The following INO80D variants were observed in gnomAD, a reference collection of about 807,000 sequenced individuals.
INO80D encodes the protein INO80 complex subunit D.
Under a neutral mutation model 87.6 loss-of-function variants are expected in INO80D, and 21 were observed. That is an observed-to-expected ratio of 0.24 (90% CI 0.17 to 0.35). The LOEUF (loss-of-function observed/expected upper bound fraction) is 0.35, where lower values mean the gene tolerates loss of function less well. INO80D is among the 10% of genes least tolerant of loss of function. The probability of loss-of-function intolerance (pLI) is 1.00; values close to 1 mark genes in which losing one functional copy is unlikely to be tolerated. For missense variants in INO80D, 982 were observed against 1,280.7 expected (o/e 0.77, Z 3.56); for synonymous variants, 440 against 491.0 (o/e 0.90, Z 1.37).
rs1214891643 is a variant in INO80D at position 205,995,377 on chromosome 2, T to G, written c.*8991A>C. The G allele has an allele frequency of 6.6e-6, 1 of 152,176 alleles. No homozygotes were observed. The highest frequency in any genetic ancestry group is 1.5e-5 in the Non-Finnish European group (1 of 68,016). The allele number at this position is 152,176 out of a possible 1,614,324, so 9.4% of individuals were successfully genotyped here. ...ATAAATAAATAGTGTGTGGATGTCT[T>G]TAGATGAGACTTTAAATGTTCTTTA... On this transcript the variant is annotated 3_prime_UTR_variant, in exon 11 of 11. Transcript: ENST00000403263.
intron 10 of INO80D, 92 bp from the exon 11 acceptor site, chr2:206,005,625 G>T (rs908841853): frequency 1.0e-6 from 1 of 990,946 alleles, no homozygotes; most frequent in Non-Finnish European, 1.5e-6. Context: ...AACAATATTC[G>T]ATTTAAAGAG....
chr2:206,078,672 C>T lies in INO80D; in HGVS notation c.-124+7229G>A, dbSNP rs112200641. ...ACAAAAAAAGAAAAAGACAGCCAGG[C>T]GCGGTGGCTCACGCCTGTAATCCCA... On this transcript the variant is annotated intron_variant, in intron 1 of 10. Coordinates refer to ENST00000403263, the MANE Select transcript of INO80D (RefSeq NM_017759.5). Among the ~76,000 whole-genome samples the T allele has an allele frequency of 3.9e-5, 6 of 152,158 alleles. 1 individual carries two copies. The highest frequency in any genetic ancestry group is 1.3e-4 in the Admixed American group (2 of 15,274).
intron 4 of INO80D, among the ~76,000 whole-genome samples, chr2:206,049,466 G>C (rs1689288863): frequency 6.6e-6 from 1 of 152,142 alleles, no homozygotes; most frequent in Non-Finnish European, 1.5e-5. Flanking sequence ...TCTTTTATTT[G>C]TTTCAATAGA....
At chr2:206,069,920 CCTTT>C (rs1689914376) in intron 1 of INO80D, among the ~76,000 whole-genome samples, 1 of 152,262 alleles carries the variant, frequency 6.6e-6, no homozygotes, top group African/African-American at 2.4e-5. Flanking sequence ...AGTCTCCTCT[CCTTT>C]CTTTCCCCGA....
chr2:206,016,975 G>A lies in INO80D; in HGVS notation c.1542+705C>T, dbSNP rs1242019555. Among the ~76,000 whole-genome samples, 6 of 152,132 alleles carry A rather than the reference G, an allele frequency of 3.9e-5. 1 individual carries two copies. The highest frequency in any genetic ancestry group is 3.9e-4 in the Admixed American group (6 of 15,276). On this transcript the variant is annotated intron_variant, in intron 8 of 10. Transcript: ENST00000403263. Reference sequence around the variant, plus strand: ...CAGTCTCAGGTATGTCTTTCCCAGAGGCATGAAAACGGACTAATACACCAG... The same window carrying A: ...CAGTCTCAGGTATGTCTTTCCCAGAAGCATGAAAACGGACTAATACACCAG...
At chr2:206,049,110 C>T (rs555617844) in intron 4 of INO80D, among the ~76,000 whole-genome samples, 1 of 152,220 alleles carries the variant, frequency 6.6e-6, no homozygotes, top group African/African-American at 2.4e-5. Flanking sequence ...TAGACAGTTA[C>T]ATTAAAAAGG....
At chr2:206,031,551 C>T (rs1688767019) in intron 5 of INO80D, among the ~76,000 whole-genome samples, 1 of 152,212 alleles carries the variant, frequency 6.6e-6, no homozygotes, top group Admixed American at 6.5e-5. Context: ...CAGTCCCACT[C>T]TTAGGACAGC....
chr2:206,010,062 TACACACAC>T (rs144790541), intron 8 of INO80D, among the ~76,000 whole-genome samples: 2 of 148,996 alleles, frequency 1.3e-5, no homozygotes, highest in Non-Finnish European at 3.0e-5. Flanking sequence ...TGACACTGTC[TACACACAC>T]ACACACACAC....
chr2:206,029,922 C>A (rs1688715968), intron 5 of INO80D, among the ~76,000 whole-genome samples: 1 of 152,078 alleles, frequency 6.6e-6, no homozygotes, highest in African/African-American at 2.4e-5. Context: ...AATATCTGAC[C>A]ACAAATCAGA....
chr2:206,057,704 A>G (rs1051347615), intron 3 of INO80D, among the ~76,000 whole-genome samples: 28 of 152,160 alleles, frequency 1.8e-4, no homozygotes, highest in Admixed American at 5.9e-4. Flanking sequence ...GTCTTCAACA[A>G]TAAGCAAGTA....
chr2:206,064,425 GCTAC>G (rs1313989904), intron 1 of INO80D, among the ~76,000 whole-genome samples: 3 of 152,174 alleles, frequency 2.0e-5, no homozygotes, highest in South Asian at 2.1e-4. Context: ...TCAGATATCA[GCTAC>G]TGAAAAAGTC....
At position 206,050,440 on chromosome 2, in the gene INO80D, C is replaced by T. The variant is rs1307782697; in HGVS notation, c.965-3828G>A. 4.3e-5 allele frequency among the ~76,000 whole-genome samples: 6 copies of T among 138,828 alleles called. No individual in the cohort carries two copies. In the East Asian group the frequency reaches 1.1e-3, roughly 26 times the overall value. 91.1% of individuals were successfully genotyped at this position (138,828 alleles called of 152,430 possible). A position where few individuals can be genotyped will look rare whatever the true frequency, so the allele number is the denominator to read the frequency against. On this transcript the variant is annotated intron_variant, in intron 4 of 10. Transcript: ENST00000403263. Reference sequence around the variant, plus strand: ...CCGGGAGGCGGAGGTTGCAGTGAGCCGAGACCTCGCCACTGCATTGCAGCC... The same window carrying T: ...CCGGGAGGCGGAGGTTGCAGTGAGCTGAGACCTCGCCACTGCATTGCAGCC...
At chr2:206,056,969 A>G (rs1156729282) in intron 3 of INO80D, 26 bp from the exon 4 acceptor site, 9 of 1,536,052 alleles carry the variant, frequency 5.9e-6, no homozygotes, top group Non-Finnish European at 7.9e-6. Flanking sequence ...ATACATGGGA[A>G]AACAGTCATG....
chr2:206,013,369 T>C lies in INO80D; in HGVS notation c.1543-3575A>G, dbSNP rs528020355. ...GAGATCGAGATCTTCCTGGCTAACA[T>C]GGTGAAACCTCATCTCTACTAAAAA... On this transcript the variant is annotated intron_variant, in intron 8 of 10. Transcript: ENST00000403263. Among the ~76,000 whole-genome samples the C allele has an allele frequency of 1.7e-4, 26 of 152,074 alleles. No homozygotes were observed. The East Asian group carries it at 2.5e-3, about 15-fold the overall frequency.
At position 205,998,993 on chromosome 2, in the gene INO80D, C is replaced by T. The variant is rs1687856450; in HGVS notation, c.*5375G>A. On this transcript the variant is annotated 3_prime_UTR_variant, in exon 11 of 11. Transcript: ENST00000403263. ...ACTTCCCATCATTTCAGCACTAATC[C>T]ACTGGAGCCAACTGTACCTTAATGA... 6.6e-6 allele frequency: 1 copy of T among 152,094 alleles called. No individual in the cohort carries two copies. Among genetic ancestry groups the T allele is most frequent in the African/African-American group, 2.4e-5 (1 of 41,398 alleles). 9.4% of individuals were successfully genotyped at this position (152,094 alleles called of 1,614,324 possible). A position where few individuals can be genotyped will look rare whatever the true frequency, so the allele number is the denominator to read the frequency against.
In INO80D at chr2:206,004,603, TG is replaced by T. The variant is rs1175827529; in HGVS notation, c.2848del (p.Gln950ArgfsTer13). The T allele has an allele frequency of 6.2e-7, 1 of 1,612,198 alleles. No homozygotes were observed. The highest frequency in any genetic ancestry group is 8.5e-7 in the Non-Finnish European group (1 of 1,179,278). On this transcript the variant is annotated frameshift_variant, in exon 11 of 11. Coordinates refer to ENST00000403263, the MANE Select transcript of INO80D (RefSeq NM_017759.5). LOFTEE classifies it high-confidence loss of function. This position sits in a 1 kb window ranked among gnomAD's most constrained non-coding sequence, Gnocchi z 4.9. ...SSSSVLPGLP[Q>X]TSFSGMGPSA... ...AGGCCCCATGCCACTGAAGCTGGTC[TG>T]TGGTAACCCCGGAAGCACACTGGAG... is the stretch of plus-strand genomic sequence containing the variant.
At chr2:206,028,428 A>C (rs900243309) in intron 5 of INO80D, 93 bp from the exon 6 acceptor site, 1 of 1,002,528 alleles carries the variant, frequency 1.0e-6, no homozygotes, top group Non-Finnish European at 1.5e-6. Context: ...AGCTGAATGC[A>C]CAGGTTTAAA....
intron 6 of INO80D, chr2:206,025,540 AAAATATATATATATAT>A (rs1295785521): frequency 9.5e-5 from 6 of 63,280 alleles, no homozygotes; most frequent in South Asian, 1.0e-3. Flanking sequence ...AAAAAAAAAA[AAAATATATATATATAT>A]ATATATATAT....
chr2:206,038,837 T>C (rs1688958966), intron 5 of INO80D, among the ~76,000 whole-genome samples: 1 of 152,034 alleles, frequency 6.6e-6, no homozygotes, highest in Non-Finnish European at 1.5e-5. Flanking sequence ...AAACTGAAGC[T>C]AAAGTTAGAA....
Sources: allele counts gnomAD v4.1 joint callset (sites outside exome capture counted in the v4.1 genomes callset), GRCh38; gene constraint gnomAD v4.1.1; non-coding constraint Gnocchi (gnomAD v3.1); transcripts MANE v1.5; gene names NCBI Gene and HGNC (gene_info 2026-07-23, HGNC 2026-07-21).